The following CLSTN1 variants were observed in gnomAD, a reference collection of about 807,000 sequenced individuals.
The protein encoded by CLSTN1 is calsyntenin 1.
A neutral mutation model predicts 108.3 loss-of-function variants in CLSTN1; 28 were observed. That is an observed-to-expected ratio of 0.26 (90% CI 0.19 to 0.35). The LOEUF is 0.35. CLSTN1 is among the 10% of genes least tolerant of loss of function. The pLI is 1.00. For synonymous variants in CLSTN1, 524 were observed against 534.9 expected (o/e 0.98, Z 0.28); for missense variants, 1,157 against 1,302.6 (o/e 0.89, Z 1.72).
chr1:9,781,905 G>T (rs1198031778), intron 1 of CLSTN1, among the ~76,000 whole-genome samples: 1 of 152,160 alleles, frequency 6.6e-6, no homozygotes, highest in Admixed American at 6.6e-5. Context: ...TGTAGTAGTT[G>T]TGACTTGTTG....
At position 9,730,999 on chromosome 1, in the gene CLSTN1, G is replaced by A; in HGVS notation, c.2748+207C>T. 1.5e-6 allele frequency: 1 copy of A among 649,902 alleles called. No homozygotes were observed. The highest frequency in any genetic ancestry group is 1.9e-5 in the South Asian group (1 of 53,038). The allele number at this position is 649,902 out of a possible 1,614,324, so 40.3% of individuals were successfully genotyped here. ...ACCCAAGAGCGCCAAGCCCTGGCAT[G>A]GCTCTTCTCTACACTTAAGGCAGAA... On this transcript the variant is annotated intron_variant, in intron 18 of 18. Transcript: ENST00000377298. The surrounding 1 kb of genome is among the most constrained non-coding windows in gnomAD (Gnocchi z 5.6).
At chr1:9,766,761 A>G (rs916374688) in intron 2 of CLSTN1, among the ~76,000 whole-genome samples, 2 of 152,360 alleles carry the variant, frequency 1.3e-5, no homozygotes, top group East Asian at 3.9e-4. Flanking sequence ...AAGAAACTGA[A>G]TCATTTAAAT....
At chr1:9,773,972 G>A (rs1255301974) in intron 1 of CLSTN1, among the ~76,000 whole-genome samples, 1 of 151,802 alleles carries the variant, frequency 6.6e-6, no homozygotes, top group African/African-American at 2.4e-5. Flanking sequence ...GAACCCCCGG[G>A]CTCAAGTGAT....
chr1:9,824,357 C>G (rs1403393513), upstream of CLSTN1: 4 of 152,234 alleles, frequency 2.6e-5, no homozygotes, highest in Non-Finnish European at 4.4e-5. This position sits in a 1 kb window ranked among gnomAD's most constrained non-coding sequence, Gnocchi z 5.0. Flanking sequence ...TTCTCCACCC[C>G]GAGGACTCAT....
Position 9,793,605 on chromosome 1 carries a change from G to A in CLSTN1, c.92-20211C>T, listed in dbSNP as rs527712127. On this transcript the variant is annotated intron_variant, in intron 1 of 18. Coordinates refer to ENST00000377298, the MANE Select transcript of CLSTN1 (RefSeq NM_001009566.3). ...GAAAGCTTTCTTGTAAGCAAAGAAG[G>A]GAGGTTATCAGCCTTCCTGGGCAAT... Among the ~76,000 whole-genome samples the A allele has an allele frequency of 1.2e-4, 18 of 151,608 alleles. 1 individual carries two copies. The East Asian group carries it at 3.6e-3, about 30-fold the overall frequency.
At chr1:9,748,771 GAGCC>G (rs1242039154) in intron 7 of CLSTN1, among the ~76,000 whole-genome samples, 4 of 151,516 alleles carry the variant, frequency 2.6e-5, no homozygotes, top group African/African-American at 9.7e-5. Context: ...TTATAGGCAT[GAGCC>G]CCCATGCCCT....
intron 7 of CLSTN1, among the ~76,000 whole-genome samples, chr1:9,745,228 C>CAAA (rs58703418): frequency 2.7e-5 from 3 of 109,422 alleles, no homozygotes; most frequent in South Asian, 2.9e-4. Context: ...GACTCCGTCT[C>CAAA]AAAAAAAAAA....
At chr1:9,794,646 T>C (rs1326291946) in intron 1 of CLSTN1, among the ~76,000 whole-genome samples, 1 of 151,402 alleles carries the variant, frequency 6.6e-6, no homozygotes, top group Non-Finnish European at 1.5e-5. Context: ...GGCAGGAATC[T>C]AGCTACACAA....
At chr1:9,784,128 C>T (rs1054175407) in intron 1 of CLSTN1, among the ~76,000 whole-genome samples, 3 of 147,218 alleles carry the variant, frequency 2.0e-5, no homozygotes, top group African/African-American at 7.6e-5. Context: ...GCCAAGATTG[C>T]GCCACTGCAC....
chr1:9,762,651 G>A (rs867550840), intron 2 of CLSTN1, among the ~76,000 whole-genome samples: 13 of 131,058 alleles, frequency 9.9e-5, no homozygotes, highest in Admixed American at 3.0e-4. Context: ...TGTCCCTGAC[G>A]TTGGGTGACC....
intron 7 of CLSTN1, among the ~76,000 whole-genome samples, chr1:9,746,713 A>G (rs1255905958): frequency 6.6e-6 from 1 of 151,810 alleles, no homozygotes; most frequent in African/African-American, 2.4e-5. Flanking sequence ...CTCTGTCTCA[A>G]AAGAAAAAAA....
chr1:9,787,064 G>C (rs1361117864), intron 1 of CLSTN1, among the ~76,000 whole-genome samples: 1 of 151,230 alleles, frequency 6.6e-6, no homozygotes, highest in East Asian at 2.0e-4. Context: ...GAAGAGAAGG[G>C]GAAGGGGCTG....
chr1:9,750,629 G>A (rs1167633153), intron 5 of CLSTN1, among the ~76,000 whole-genome samples: 1 of 150,004 alleles, frequency 6.7e-6, no homozygotes, highest in Non-Finnish European at 1.5e-5. Context: ...GGAGGATCCC[G>A]TGAGCCCAGG....
Position 9,823,143 on chromosome 1 carries a change from G to A in CLSTN1, c.91+500C>T, listed in dbSNP as rs761022298. ...GGGATCTTGGAAACGGGATGCGGAG[G>A]AGTGGGCTCTTATGTAAGCACACAC... On this transcript the variant is annotated intron_variant, in intron 1 of 18. Transcript: ENST00000377298. The surrounding 1 kb of genome is among the most constrained non-coding windows in gnomAD (Gnocchi z 6.3). 6.6e-6 allele frequency among the ~76,000 whole-genome samples: 1 copy of A among 152,194 alleles called. No individual in the cohort carries two copies. Among genetic ancestry groups the A allele is most frequent in the African/African-American group, 2.4e-5 (1 of 41,446 alleles).
intron 17 of CLSTN1, 111 bp from the exon 18 acceptor site, chr1:9,731,501 C>T: frequency 8.3e-7 from 1 of 1,207,242 alleles, no homozygotes; most frequent in Middle Eastern, 2.0e-4. Context: ...CACGCTTCAG[C>T]TGAACCCACA....
chr1:9,798,033 G>A (rs1023838475), intron 1 of CLSTN1, among the ~76,000 whole-genome samples: 6 of 151,492 alleles, frequency 4.0e-5, no homozygotes, highest in African/African-American at 9.7e-5. Context: ...GGTGGAGGTT[G>A]CAGTGAGCCG....
chr1:9,751,560 C>G lies in CLSTN1; in HGVS notation c.562G>C (p.Val188Leu). 1 of 1,614,184 alleles carries G rather than the reference C, an allele frequency of 6.2e-7. No homozygotes were observed. Among genetic ancestry groups the G allele is most frequent in the East Asian group, 2.2e-5 (1 of 44,884 alleles). ...QYDSILRVEA[V>L]DADCSPQFSQ... The stretch of plus-strand genomic sequence containing the variant: ...AACTGAGGGGAGCAGTCGGCATCCA[C>G]GGCCTCCACCCTCAAAATGCTGTCG... The change falls in exon 5 of 19, where the codon GTG becomes CTG. Residue 188 changes from valine to leucine, a missense_variant. Transcript: ENST00000377298.
At chr1:9,824,188 C>T (rs1655319985), upstream of CLSTN1, 1 of 147,708 alleles carries the variant, frequency 6.8e-6, no homozygotes, top group Non-Finnish European at 1.5e-5. The surrounding 1 kb of genome is among the most constrained non-coding windows in gnomAD (Gnocchi z 5.0). Flanking sequence ...AGCGCGCGCC[C>T]GCGGGGACGC....
intron 1 of CLSTN1, among the ~76,000 whole-genome samples, chr1:9,805,056 G>A (rs981421538): frequency 1.3e-5 from 2 of 152,060 alleles, no homozygotes; most frequent in African/African-American, 2.4e-5. Flanking sequence ...GGAAGCAGAG[G>A]TTGCAGTGAG....
Sources: allele counts gnomAD v4.1 joint callset (sites outside exome capture counted in the v4.1 genomes callset), GRCh38; gene constraint gnomAD v4.1.1; non-coding constraint Gnocchi (gnomAD v3.1); transcripts MANE v1.5; gene names NCBI Gene and HGNC (gene_info 2026-07-23, HGNC 2026-07-21).